Variants in ADCY5 observed in about 807,000 individuals in gnomAD.
ADCY5 encodes adenylate cyclase type 5.
Under a neutral mutation model 119.7 loss-of-function variants are expected in ADCY5, and 30 were observed. The observed-to-expected ratio is 0.25, with a 90% CI of 0.19 to 0.34. ADCY5 has a LOEUF of 0.34. ADCY5 is among the 10% of genes least tolerant of loss of function. ADCY5 has a pLI of 1.00. For missense variants in ADCY5, 1,324 were observed against 1,775.2 expected (o/e 0.75, Z 4.57); for synonymous variants, 753 against 762.2 (o/e 0.99, Z 0.20).
At chr3:123,343,972 T>C (rs1219158679) in intron 3 of ADCY5, among the ~76,000 whole-genome samples, 1 of 152,188 alleles carries the variant, frequency 6.6e-6, no homozygotes, top group Non-Finnish European at 1.5e-5. Context: ...CCACGGCCAG[T>C]GGTGGCTCAG....
intron 15 of ADCY5, among the ~76,000 whole-genome samples, chr3:123,298,829 A>C (rs1342060760): frequency 6.9e-4 from 4 of 5,812 alleles, no homozygotes; most frequent in African/African-American, 1.2e-3. Context: ...CAAAACTGTC[A>C]CTTTTTTTTT....
intron 14 of ADCY5, among the ~76,000 whole-genome samples, chr3:123,300,924 C>T (rs1939810211): frequency 2.6e-5 from 4 of 152,200 alleles, no homozygotes; most frequent in African/African-American, 7.2e-5. Flanking sequence ...CATGATCAGA[C>T]TCCACTGGGG....
At chr3:123,394,363 G>A (rs1007705813) in intron 1 of ADCY5, among the ~76,000 whole-genome samples, 1 of 152,038 alleles carries the variant, frequency 6.6e-6, no homozygotes, top group African/African-American at 2.4e-5. Context: ...TGCATATCTA[G>A]GGTAGCACCT....
Position 123,300,257 on chromosome 3 carries a change from G to A in ADCY5, c.2763C>T (p.Cys921=), listed in dbSNP as rs138416754. Residue 921 remains cysteine, a synonymous_variant, in exon 15 of 21, where the codon TGC becomes TGT. Transcript: ENST00000462833. ...TGCAGCTGATCTGCAGGAACACGGAGCAGGCCAGCAGGCTGAGCAGCACGC... is the reference window on the plus strand; with the variant it reads ...TGCAGCTGATCTGCAGGAACACGGAACAGGCCAGCAGGCTGAGCAGCACGC... ...TYSVLLSLLA[C]SVFLQISCIG... The A allele has an allele frequency of 8.1e-5, 131 of 1,613,592 alleles. No homozygotes were observed. In the African/African-American group the frequency reaches 1.7e-3, roughly 20 times the overall value.
chr3:123,446,913 G>A (rs1945826522), intron 1 of ADCY5, among the ~76,000 whole-genome samples: 1 of 152,170 alleles, frequency 6.6e-6, no homozygotes, highest in African/African-American at 2.4e-5. Context: ...CCCAGCCTTA[G>A]ACAGGTGGCA....
chr3:123,413,747 T>G (rs1380832957), intron 1 of ADCY5, among the ~76,000 whole-genome samples: 4 of 152,172 alleles, frequency 2.6e-5, no homozygotes, highest in Non-Finnish European at 1.5e-5. Context: ...GGAAAGCAGT[T>G]CACCTGCCTT....
At chr3:123,372,083 C>G (rs773392360) in intron 1 of ADCY5, among the ~76,000 whole-genome samples, 2 of 152,202 alleles carry the variant, frequency 1.3e-5, no homozygotes, top group Non-Finnish European at 2.9e-5. Context: ...GCTGACACTG[C>G]ACTTACTGCT....
chr3:123,333,564 T>C (rs1941881100), intron 3 of ADCY5, among the ~76,000 whole-genome samples: 1 of 152,194 alleles, frequency 6.6e-6, no homozygotes, highest in African/African-American at 2.4e-5. Flanking sequence ...CTATCCTCCT[T>C]CTGTGCTCTA....
In ADCY5 at chr3:123,303,191, C is replaced by A; in HGVS notation, c.2588G>T (p.Gly863Val). The change falls in exon 14 of 21, where the codon GGC becomes GTC. Residue 863 changes from glycine (G) to valine (V), a missense_variant. Coordinates refer to ENST00000462833, the MANE Select transcript of ADCY5 (RefSeq NM_183357.3). ...GATGTTGTGCTCCTGTGCCAAGCAG[C>A]CCAGCAGGTCCCTGGAGTTGCACGT... ...MFTCNSRDLL[G>V]CLAQEHNISA... 6.2e-7 allele frequency: 1 copy of A among 1,613,710 alleles called. No individual in the cohort carries two copies. The highest frequency in any genetic ancestry group is 8.5e-7 in the Non-Finnish European group (1 of 1,179,950).
chr3:123,424,590 GCTGGGGGCATTT>G (rs1945364282), intron 1 of ADCY5, among the ~76,000 whole-genome samples: 1 of 152,192 alleles, frequency 6.6e-6, no homozygotes, highest in Non-Finnish European at 1.5e-5. Context: ...GGCCTTGGTG[GCTGGGGGCATTT>G]CTGAGGAGGT....
intron 1 of ADCY5, among the ~76,000 whole-genome samples, chr3:123,394,382 T>C (rs1199214936): frequency 6.6e-6 from 1 of 152,226 alleles, no homozygotes; most frequent in Non-Finnish European, 1.5e-5. Context: ...CTCATCCATC[T>C]ATAGCACAAC....
At position 123,445,448 on chromosome 3, in the gene ADCY5, A is replaced by C. The variant is rs535484801; in HGVS notation, c.1134+1964T>G. ...CCCTGTGTCCCAAGTCTGGTTCACA[A>C]AATACCCTGAACTATCCTGAAAATC... On this transcript the variant is annotated intron_variant, in intron 1 of 20. Coordinates refer to ENST00000462833, the MANE Select transcript of ADCY5 (RefSeq NM_183357.3). Among the ~76,000 whole-genome samples, 5 of 151,698 alleles carry C rather than the reference A, an allele frequency of 3.3e-5. No individual in the cohort carries two copies. In the South Asian group the frequency reaches 1.0e-3, roughly 32 times the overall value.
intron 4 of ADCY5, among the ~76,000 whole-genome samples, chr3:123,331,228 T>C (rs1443887353): frequency 1.3e-5 from 2 of 152,148 alleles, no homozygotes; most frequent in Admixed American, 1.3e-4. Context: ...AGGGATGGGC[T>C]GGGCAGCCCT....
At chr3:123,296,287 C>T (rs949523618) in intron 16 of ADCY5, 71 bp from the exon 17 acceptor site, 3 of 1,525,534 alleles carry the variant, frequency 2.0e-6, no homozygotes, top group Non-Finnish European at 2.7e-6. Context: ...ACCCCACCCC[C>T]ACCCACTGCT....
chr3:123,358,195 TAGG>T (rs1943111820), intron 1 of ADCY5, among the ~76,000 whole-genome samples: 21 of 149,180 alleles, frequency 1.4e-4, no homozygotes, highest in Non-Finnish European at 2.4e-4. Flanking sequence ...TGTGTGTGTG[TAGG>T]GAGTTGGTGG....
chr3:123,385,918 G>A (rs533111848), intron 1 of ADCY5, among the ~76,000 whole-genome samples: 18 of 152,220 alleles, frequency 1.2e-4, no homozygotes, highest in South Asian at 6.2e-4. Context: ...ATCCCAAGAC[G>A]GCTCTCCAGG....
At chr3:123,434,863 C>T (rs1477141769) in intron 1 of ADCY5, among the ~76,000 whole-genome samples, 1 of 152,130 alleles carries the variant, frequency 6.6e-6, no homozygotes, top group African/African-American at 2.4e-5. Context: ...ACAGACCATG[C>T]AGGATGACAC....
At chr3:123,331,618 A>T (rs957333641) in intron 4 of ADCY5, among the ~76,000 whole-genome samples, 1 of 152,254 alleles carries the variant, frequency 6.6e-6, no homozygotes, top group Non-Finnish European at 1.5e-5. Flanking sequence ...GACAGGTGCC[A>T]CAGGGCCACC....
chr3:123,322,350 T>C (rs1941263065), intron 8 of ADCY5, among the ~76,000 whole-genome samples: 4 of 152,244 alleles, frequency 2.6e-5, no homozygotes. Flanking sequence ...CCTTTCCCGA[T>C]GCTCCTTTGG....
Sources: gnomAD v4.1 joint callset for allele counts (sites outside exome capture counted in the v4.1 genomes callset) on GRCh38, gnomAD v4.1.1 for gene constraint, MANE v1.5 for transcripts, NCBI Gene and HGNC (gene_info 2026-07-23, HGNC 2026-07-21) for gene names.